The following EML6 variants were observed in gnomAD, a reference collection of about 807,000 sequenced individuals.
EML6 encodes echinoderm microtubule-associated protein-like 6.
In EML6, 154 loss-of-function variants were observed where a neutral mutation model predicts 240.1. That is an observed-to-expected ratio of 0.64 (90% confidence interval 0.56 to 0.73). The LOEUF (loss-of-function observed/expected upper bound fraction) is 0.73, where lower values mean the gene tolerates loss of function less well. Among genes scored for constraint, EML6 ranks in the 30% least tolerant of loss-of-function variants. EML6 has a pLI of 0.00. For missense variants in EML6, 2,964 were observed against 2,474.6 expected (o/e 1.20, Z -4.20); for synonymous variants, 1,148 against 899.0 (o/e 1.28, Z -4.95).
intron 11 of EML6, among the ~76,000 whole-genome samples, chr2:54,856,325 G>C (rs1670374998): frequency 6.6e-6 from 1 of 152,176 alleles, no homozygotes; most frequent in African/African-American, 2.4e-5. Context: ...TGTCCTAATA[G>C]CCTTGGTACG....
intron 2 of EML6, among the ~76,000 whole-genome samples, chr2:54,811,316 T>C (rs1280584298): frequency 6.6e-6 from 1 of 152,200 alleles, no homozygotes; most frequent in Non-Finnish European, 1.5e-5. Flanking sequence ...GAGCTGCCCC[T>C]GCCTGCCTGA....
At chr2:54,820,509 T>A in intron 5 of EML6, 47 bp downstream of exon 5, 2 of 1,148,570 alleles carry the variant, frequency 1.7e-6, no homozygotes, top group Non-Finnish European at 2.5e-6. Flanking sequence ...TGCAAATAAT[T>A]TTAGGTGTTT....
At chr2:54,803,882 G>A (rs1405643559) in intron 2 of EML6, among the ~76,000 whole-genome samples, 1 of 152,252 alleles carries the variant, frequency 6.6e-6, no homozygotes, top group African/African-American at 2.4e-5. Context: ...CTCCACTCAC[G>A]GACCGGGCAC....
chr2:54,935,790 A>G (rs577581676), intron 28 of EML6, among the ~76,000 whole-genome samples: 2 of 152,192 alleles, frequency 1.3e-5, no homozygotes, highest in Non-Finnish European at 2.9e-5. Context: ...GTGGGAGGAT[A>G]ACTTGAATCC....
In EML6 at chr2:54,728,549, C is replaced by T. The variant is rs562037066; in HGVS notation, c.197+3291C>T. Among the ~76,000 whole-genome samples, 6 of 152,288 alleles carry T rather than the reference C, an allele frequency of 3.9e-5. No homozygotes were observed. The South Asian group carries it at 1.0e-3, about 26-fold the overall frequency. Reference sequence around the variant, plus strand: ...GGTATAAATCCCACTCTGCCATTTACCGGGGGTATCTGGGTGAGTGGCATC... The same window carrying T: ...GGTATAAATCCCACTCTGCCATTTATCGGGGGTATCTGGGTGAGTGGCATC... On this transcript the variant is annotated intron_variant, in intron 2 of 41. Transcript: ENST00000356458.
At chr2:54,961,980 G>C (rs542645716) in intron 35 of EML6, among the ~76,000 whole-genome samples, 9 of 151,432 alleles carry the variant, frequency 5.9e-5, no homozygotes, top group Non-Finnish European at 1.3e-4. Context: ...CTCCAGCCTG[G>C]GTGACAGAGT....
intron 2 of EML6, among the ~76,000 whole-genome samples, chr2:54,734,667 G>A (rs1366957425): frequency 6.6e-6 from 1 of 152,136 alleles, no homozygotes; most frequent in Non-Finnish European, 1.5e-5. Flanking sequence ...GTGGGGATGA[G>A]GGACAGCTGT....
At chr2:54,930,518 C>CTTTT (rs150838811) in intron 28 of EML6, among the ~76,000 whole-genome samples, 1 of 145,770 alleles carries the variant, frequency 6.9e-6, no homozygotes, top group Non-Finnish European at 1.5e-5. Flanking sequence ...TGGAATGACT[C>CTTTT]TTTTTTTTTT....
chr2:54,851,600 T>C (rs947236515), intron 10 of EML6, among the ~76,000 whole-genome samples: 1 of 152,202 alleles, frequency 6.6e-6, no homozygotes, highest in African/African-American at 2.4e-5. Context: ...TTTTTTAAAG[T>C]AGAGAAAATC....
At chr2:54,864,840 C>T (rs568701735) in intron 13 of EML6, among the ~76,000 whole-genome samples, 1 of 152,316 alleles carries the variant, frequency 6.6e-6, no homozygotes, top group Admixed American at 6.5e-5. Context: ...GAATATTTTT[C>T]AGCCCATAAT....
At chr2:54,808,110 C>T (rs1670593813) in intron 2 of EML6, among the ~76,000 whole-genome samples, 2 of 152,140 alleles carry the variant, frequency 1.3e-5, no homozygotes, top group African/African-American at 2.4e-5. Flanking sequence ...ATGAATTTTG[C>T]TGTTTTGTCC....
rs770100586 is a variant in EML6, at chr2:54,910,962, T to G, written c.3418T>G (p.Leu1140Val). ...HIDWDSRGKL[L>V]QVNSGAREQL... The stretch of plus-strand genomic sequence containing the variant: ...TCGTTCTGTCGTAACAGGAAAATTA[T>G]TGCAAGTGAATTCAGGTGCCAGAGA... Residue 1140 changes from leucine to valine, a missense_variant, in exon 25 of 42, where the codon TTG becomes GTG. By Grantham distance (32) the Leu-to-Val change is conservative (BLOSUM62 1). Coordinates refer to ENST00000356458, the MANE Select transcript of EML6 (RefSeq NM_001039753.4). 1 of 1,529,926 alleles carries G rather than the reference T, an allele frequency of 6.5e-7. No homozygotes were observed. Among genetic ancestry groups the G allele is most frequent in the Non-Finnish European group, 8.8e-7 (1 of 1,130,460 alleles). The allele number at this position is 1,529,926 out of a possible 1,614,324, so 94.8% of individuals were successfully genotyped here. A position where few individuals can be genotyped will look rare whatever the true frequency, so the allele number is the denominator to read the frequency against.
chr2:54,943,724 T>C (rs1675545542), intron 28 of EML6, among the ~76,000 whole-genome samples: 1 of 152,132 alleles, frequency 6.6e-6, no homozygotes, highest in Non-Finnish European at 1.5e-5. Context: ...AGCAGGCACA[T>C]TAAAAAAGTT....
intron 2 of EML6, among the ~76,000 whole-genome samples, chr2:54,788,433 G>A (rs948972379): frequency 6.6e-6 from 1 of 152,196 alleles, no homozygotes; most frequent in African/African-American, 2.4e-5. Flanking sequence ...TGTGAGAGGG[G>A]CATCTGGTCA....
chr2:54,885,460 A>AT (rs1042673728), intron 17 of EML6, among the ~76,000 whole-genome samples: 6 of 151,360 alleles, frequency 4.0e-5, no homozygotes, highest in African/African-American at 9.7e-5. Flanking sequence ...AAAAAAAAAA[A>AT]TTTTTTTTGG....
chr2:54,764,510 C>G (rs529700352), intron 2 of EML6, among the ~76,000 whole-genome samples: 1 of 152,172 alleles, frequency 6.6e-6, no homozygotes, highest in African/African-American at 2.4e-5. Flanking sequence ...TTAAATTGCA[C>G]TTGTCTGCTT....
chr2:54,920,355 A>G (rs1218946881), intron 26 of EML6, among the ~76,000 whole-genome samples: 1 of 152,214 alleles, frequency 6.6e-6, no homozygotes, highest in Non-Finnish European at 1.5e-5. Context: ...TAGAAATACA[A>G]AGGATCATAA....
chr2:54,727,517 C>T (rs1234504996), intron 2 of EML6, among the ~76,000 whole-genome samples: 1 of 152,208 alleles, frequency 6.6e-6, no homozygotes, highest in Admixed American at 6.5e-5. Flanking sequence ...AACCACAATG[C>T]ACAATTTTTT....
At chr2:54,888,574 G>T (rs904352945) in intron 17 of EML6, among the ~76,000 whole-genome samples, 1 of 152,082 alleles carries the variant, frequency 6.6e-6, no homozygotes, top group Non-Finnish European at 1.5e-5. Context: ...CATGTTAGTA[G>T]TTTTTACCTT....
Sources: gnomAD v4.1 joint callset for allele counts (sites outside exome capture counted in the v4.1 genomes callset) on GRCh38, gnomAD v4.1.1 for gene constraint, MANE v1.5 for transcripts, NCBI Gene and HGNC (gene_info 2026-07-23, HGNC 2026-07-21) for gene names.